SPIRE1: variants seen among roughly 807,000 people sequenced by gnomAD.
SPIRE1 encodes the protein spire type actin nucleation factor 1.
Under a neutral mutation model 94.1 loss-of-function variants are expected in SPIRE1, and 40 were observed. The ratio of observed to expected loss-of-function variants is 0.43; its 90% confidence interval spans 0.33 to 0.55. The LOEUF (loss-of-function observed/expected upper bound fraction) is 0.55. Ranked by LOEUF, SPIRE1 falls within the 20% of genes least tolerant of loss-of-function variation. The pLI, the probability that SPIRE1 is intolerant of heterozygous loss-of-function variation, is 0.06. For missense variants in SPIRE1, 838 were observed against 975.2 expected (o/e 0.86, Z 1.87); for synonymous variants, 376 against 371.7 (o/e 1.01, Z -0.13).
At chr18:12,630,360 A>G (rs2037742025) in intron 2 of SPIRE1, among the ~76,000 whole-genome samples, 1 of 152,204 alleles carries the variant, frequency 6.6e-6, no homozygotes, top group South Asian at 2.1e-4. Flanking sequence ...ATGCTGAATA[A>G]AATGTAAATA....
upstream of SPIRE1, chr18:12,659,033 C>T (rs1192337477): frequency 6.3e-6 from 1 of 158,364 alleles, no homozygotes; most frequent in Admixed American, 6.4e-5. Context: ...AGAATTCCGC[C>T]CCCCCAACCT....
chr18:12,471,818 T>A (rs1029944802), intron 10 of SPIRE1, among the ~76,000 whole-genome samples: 2 of 152,202 alleles, frequency 1.3e-5, no homozygotes, highest in Non-Finnish European at 2.9e-5. Context: ...AGAGTCTTGC[T>A]CTGTCACCCC....
upstream of SPIRE1, chr18:12,658,801 A>T: frequency 3.2e-6 from 1 of 313,496 alleles, no homozygotes; most frequent in Non-Finnish European, 6.5e-6. Context: ...GGGGATCTTT[A>T]CGGGTTTTCC....
intron 1 of SPIRE1, among the ~76,000 whole-genome samples, chr18:12,652,206 A>C (rs754546220): frequency 8.5e-5 from 13 of 152,198 alleles, no homozygotes; most frequent in Non-Finnish European, 1.8e-4. Flanking sequence ...CCTAAACTGC[A>C]TCAGTTACTA....
chr18:12,571,221 C>T (rs746429734), intron 2 of SPIRE1, among the ~76,000 whole-genome samples: 1 of 151,942 alleles, frequency 6.6e-6, no homozygotes, highest in South Asian at 2.1e-4. Flanking sequence ...ATTACAGGTG[C>T]CAGCCACTAC....
At chr18:12,467,952 A>G (rs1486618336) in intron 10 of SPIRE1, among the ~76,000 whole-genome samples, 1 of 152,182 alleles carries the variant, frequency 6.6e-6, no homozygotes, top group Non-Finnish European at 1.5e-5. Flanking sequence ...TCCATCTCAA[A>G]AGGAAAAAAA....
At chr18:12,478,410 G>GGT (rs371547589) in intron 10 of SPIRE1, among the ~76,000 whole-genome samples, 1 of 150,596 alleles carries the variant, frequency 6.6e-6, no homozygotes, top group Non-Finnish European at 1.5e-5. Context: ...GTGTAGCTAG[G>GGT]GTGTGTGTGT....
chr18:12,455,094 C>A (rs755385199), intron 12 of SPIRE1, among the ~76,000 whole-genome samples: 2 of 152,052 alleles, frequency 1.3e-5, no homozygotes, highest in African/African-American at 4.8e-5. Context: ...TGCCACCATG[C>A]CCAGCTAATT....
rs568221768 is a variant in SPIRE1 at position 12,590,360 on chromosome 18, G to A, written c.373-43456C>T. The stretch of plus-strand genomic sequence containing the variant: ...CTGCCTTGGCCTCCCAAAGTGTTGG[G>A]ATTACAGACGTGAGCCACCGTGCCT... On this transcript the variant is annotated intron_variant, in intron 2 of 16. Coordinates refer to ENST00000409402, the MANE Select transcript of SPIRE1 (RefSeq NM_001128626.2). 4.6e-3 allele frequency among the ~76,000 whole-genome samples: 703 copies of A among 152,242 alleles called. 5 individuals carry two copies. Among genetic ancestry groups the A allele is most frequent in the Non-Finnish European group, 7.2e-3 (493 of 68,022 alleles).
chr18:12,629,136 A>G (rs951081882), intron 2 of SPIRE1, among the ~76,000 whole-genome samples: 3 of 152,204 alleles, frequency 2.0e-5, no homozygotes, highest in Non-Finnish European at 2.9e-5. Flanking sequence ...AGGGAACAGG[A>G]TTGTTCTAGT....
At chr18:12,595,151 G>A (rs535285544) in intron 2 of SPIRE1, among the ~76,000 whole-genome samples, 1 of 151,982 alleles carries the variant, frequency 6.6e-6, no homozygotes, top group Non-Finnish European at 1.5e-5. Flanking sequence ...TGGGCATGGT[G>A]GTGGGGACCA....
intron 1 of SPIRE1, among the ~76,000 whole-genome samples, chr18:12,656,255 T>C (rs1567996907): frequency 6.6e-6 from 1 of 151,706 alleles, no homozygotes; most frequent in East Asian, 1.9e-4. Context: ...CTATAAATTA[T>C]AATTGCAAGT....
At chr18:12,583,774 A>G (rs1386271228) in intron 2 of SPIRE1, among the ~76,000 whole-genome samples, 1 of 151,982 alleles carries the variant, frequency 6.6e-6, no homozygotes, top group Non-Finnish European at 1.5e-5. Context: ...AATACAAAAA[A>G]AAGTGCTGGG....
rs767867444 is a variant in SPIRE1 at position 12,454,381 on chromosome 18, A to T, written c.1741T>A (p.Tyr581Asn). 1 of 1,612,274 alleles carries T rather than the reference A, an allele frequency of 6.2e-7. No homozygotes were observed. Among genetic ancestry groups the T allele is most frequent in the Non-Finnish European group, 8.5e-7 (1 of 1,179,284 alleles). ...VKAELEKYQQ[Y>N]KDIYTALKKG... ...TTCAAGGCGGTGTAGATGTCTTTAT[A>T]CTGTTGGTATTTTTCCAGCTCTGCC... is the stretch of plus-strand genomic sequence containing the variant. The change falls in exon 13 of 17, where the codon TAT (tyrosine) becomes AAT (asparagine). Residue 581 changes from tyrosine (Y) to asparagine (N), a missense_variant. Tyr to Asn is a moderately radical substitution (Grantham distance 143). This residue lies in a region of SPIRE1 where 645 missense variants were observed against 804.7 expected (regional missense o/e 0.80). Transcript: ENST00000409402.
chr18:12,613,145 G>A (rs183336509), intron 2 of SPIRE1, among the ~76,000 whole-genome samples: 13 of 152,230 alleles, frequency 8.5e-5, no homozygotes, highest in African/African-American at 2.4e-4. Flanking sequence ...CAGCATGTGC[G>A]CAATAAACTT....
At chr18:12,656,683 G>A in intron 1 of SPIRE1, 5 of 981,022 alleles carry the variant, frequency 5.1e-6, no homozygotes, top group Non-Finnish European at 4.8e-6. Context: ...AAAAACTGAT[G>A]GGAGAAACCT....
At chr18:12,551,743 G>A (rs1292548664) in intron 2 of SPIRE1, among the ~76,000 whole-genome samples, 2 of 151,540 alleles carry the variant, frequency 1.3e-5, no homozygotes, top group African/African-American at 4.8e-5. Context: ...GGTGGAGCAA[G>A]AGAGCTGAAT....
At chr18:12,543,655 A>T (rs997206794) in intron 3 of SPIRE1, among the ~76,000 whole-genome samples, 20 of 152,244 alleles carry the variant, frequency 1.3e-4, no homozygotes, top group Non-Finnish European at 1.5e-5. Flanking sequence ...AAATTATTAG[A>T]TTACTTGAAA....
chr18:12,635,877 G>T (rs971549619), intron 1 of SPIRE1, among the ~76,000 whole-genome samples: 54 of 151,098 alleles, frequency 3.6e-4, no homozygotes, highest in South Asian at 6.3e-4. Context: ...AGAAAATTGG[G>T]TTTTTTTGGT....
Sources: gnomAD v4.1 joint callset for allele counts (sites outside exome capture counted in the v4.1 genomes callset) on GRCh38, gnomAD v4.1.1 for gene constraint, gnomAD v4.1.1 regional missense constraint, MANE v1.5 for transcripts, NCBI Gene and HGNC (gene_info 2026-07-23, HGNC 2026-07-21) for gene names.